CCDC180: variants seen among roughly 807,000 people sequenced by gnomAD.
CCDC180 encodes coiled-coil domain containing 180.
A neutral mutation model predicts 209.2 loss-of-function variants in CCDC180; 154 were observed. That is an observed-to-expected ratio of 0.74 (90% CI 0.65 to 0.84). The LOEUF (loss-of-function observed/expected upper bound fraction) is 0.84. Ranked by LOEUF, CCDC180 falls within the 40% of genes least tolerant of loss-of-function variation. The pLI is 0.00. For missense variants in CCDC180, 1,874 were observed against 1,997.3 expected (o/e 0.94, Z 1.18); for synonymous variants, 778 against 749.1 (o/e 1.04, Z -0.63).
intron 18 of CCDC180, among the ~76,000 whole-genome samples, chr9:97,333,954 G>A (rs1825827601): frequency 6.6e-6 from 1 of 151,538 alleles, no homozygotes; most frequent in Non-Finnish European, 1.5e-5. Flanking sequence ...CCAAGTAGCT[G>A]GAACTACAGG....
At chr9:97,371,741 G>T (rs761367288) in intron 34 of CCDC180, 35 bp downstream of exon 34, 1 of 1,446,430 alleles carries the variant, frequency 6.9e-7, no homozygotes, top group South Asian at 1.2e-5. Flanking sequence ...TCATGGCCCT[G>T]GGGGGCTGGT....
At chr9:97,371,188 TCTC>T (rs1212197012) in intron 33 of CCDC180, 1 of 164,900 alleles carries the variant, frequency 6.1e-6, no homozygotes, top group Non-Finnish European at 1.3e-5. Flanking sequence ...ATGGTCTCGA[TCTC>T]CTGACCTCAT....
chr9:97,369,909 G>A lies in CCDC180; in HGVS notation c.4190-13G>A, dbSNP rs1337053614. On this transcript the variant is annotated splice_polypyrimidine_tract_variant and intron_variant, in intron 31 of 36. Transcript: ENST00000529487. ...TGTTCCCTCCCTTGGCCTCTTACCC[G>A]CACTTCTGGCAGAATTACGGATCCA... The A allele has an allele frequency of 2.2e-5, 35 of 1,613,764 alleles. No homozygotes were observed. Among genetic ancestry groups the A allele is most frequent in the Non-Finnish European group, 2.9e-5 (34 of 1,179,940 alleles).
chr9:97,350,319 C>T (rs777642083), intron 21 of CCDC180, 90 bp from the exon 22 acceptor site: 3 of 1,316,300 alleles, frequency 2.3e-6, no homozygotes, highest in Non-Finnish European at 3.1e-6. Context: ...CTCCCTTGTC[C>T]CTCAGGCTGA....
At chr9:97,376,501 A>T (rs1827263372) in intron 36 of CCDC180, 3 of 365,616 alleles carry the variant, frequency 8.2e-6, no homozygotes. Flanking sequence ...CTAGAGTCAG[A>T]TAGACACAGG....
chr9:97,366,455 C>A lies in CCDC180; in HGVS notation c.4048-104C>A. 1.7e-6 allele frequency: 2 copies of A among 1,209,540 alleles called. No individual in the cohort carries two copies. The highest frequency in any genetic ancestry group is 1.5e-5 in the South Asian group (1 of 66,308). 74.9% of individuals were successfully genotyped at this position (1,209,540 alleles called of 1,614,324 possible). ...TCACTTCCACAGGGGATGCCACGAG[C>A]AAAGGCTAGGGAGTGTGGAGGTGAG... On this transcript the variant is annotated intron_variant, in intron 30 of 36. Transcript: ENST00000529487. This position sits in a 1 kb window ranked among gnomAD's most constrained non-coding sequence, Gnocchi z 4.3.
intron 19 of CCDC180, chr9:97,345,944 C>G (rs1587816613): frequency 6.6e-6 from 1 of 152,608 alleles, no homozygotes; most frequent in Non-Finnish European, 1.5e-5. Flanking sequence ...GTGCCTTACC[C>G]CCAAGGACAT....
chr9:97,326,789 A>G, intron 15 of CCDC180, 120 bp downstream of exon 15: 1 of 649,216 alleles, frequency 1.5e-6, no homozygotes, highest in South Asian at 1.8e-5. Context: ...TGTGCCTCTC[A>G]CTTTAGAAAG....
chr9:97,330,011 C>T (rs993784587), intron 16 of CCDC180, 143 bp from the exon 17 acceptor site: 15 of 669,498 alleles, frequency 2.2e-5, no homozygotes, highest in Non-Finnish European at 3.0e-5. Flanking sequence ...GAGCTTGCAG[C>T]GAACCAAGAC....
chr9:97,362,505 T>C (rs3802471), intron 28 of CCDC180, 64 bp downstream of exon 28: 751,683 of 1,570,032 alleles, frequency 0.48, 183,898 homozygotes, highest in Admixed American at 0.68. Flanking sequence ...AGGCAGGAGA[T>C]GACCTATGGC....
In CCDC180 at chr9:97,318,599, C is replaced by A. The variant is rs536382406; in HGVS notation, c.1079+17C>A. The A allele has an allele frequency of 6.2e-7, 1 of 1,609,226 alleles. No individual in the cohort carries two copies. The highest frequency in any genetic ancestry group is 8.5e-7 in the Non-Finnish European group (1 of 1,178,650). On this transcript the variant is annotated intron_variant, in intron 10 of 36. Transcript: ENST00000529487. ...CACCATCTGGTATGGGCAGGAGGGG[C>A]GGCCCAGGAGGGGTGCTTCTTGGGG...
At position 97,350,390 on chromosome 9, in the gene CCDC180, C is replaced by T. The variant is rs373385815; in HGVS notation, c.2856-19C>T. ...GGTTGTCCCCCATCACTGTCCTGTTCCTCCTCTGTCTCCCACAGGCTGGTC... is the reference window on the plus strand; with the variant it reads ...GGTTGTCCCCCATCACTGTCCTGTTTCTCCTCTGTCTCCCACAGGCTGGTC... On this transcript the variant is annotated intron_variant, in intron 21 of 36. Coordinates refer to ENST00000529487, the MANE Select transcript of CCDC180 (RefSeq NM_020893.6). The T allele has an allele frequency of 2.0e-5, 31 of 1,534,518 alleles. No homozygotes were observed. In the East Asian group the frequency reaches 4.9e-4, roughly 24 times the overall value.
intron 12 of CCDC180, 31 bp downstream of exon 12, chr9:97,322,952 G>T: frequency 6.3e-7 from 1 of 1,591,660 alleles, no homozygotes. Context: ...CCTGAGAAGA[G>T]GAATCCTGGG....
chr9:97,357,341 G>T (rs112941626), intron 24 of CCDC180, among the ~76,000 whole-genome samples: 1 of 151,472 alleles, frequency 6.6e-6, no homozygotes, highest in African/African-American at 2.4e-5. Context: ...TATGGCTCTC[G>T]AAGCTTTCCA....
chr9:97,312,553 C>T (rs1227272418), intron 4 of CCDC180, among the ~76,000 whole-genome samples: 1 of 152,150 alleles, frequency 6.6e-6, no homozygotes, highest in African/African-American at 2.4e-5. Flanking sequence ...AATATAGAAA[C>T]CTTTTTTCTT....
At chr9:97,367,574 A>G (rs1214538023) in intron 31 of CCDC180, among the ~76,000 whole-genome samples, 2 of 151,926 alleles carry the variant, frequency 1.3e-5, no homozygotes, top group Non-Finnish European at 2.9e-5. Context: ...CCTGGGTTCA[A>G]GAGACTCTTC....
rs1470018487 is a variant in CCDC180 at position 97,343,405 on chromosome 9, C to T, written c.2340C>T (p.Ser780=). Residue 780 remains serine, a synonymous_variant, in exon 19 of 37, where the codon TCC becomes TCT. Coordinates refer to ENST00000529487, the MANE Select transcript of CCDC180 (RefSeq NM_020893.6). ...AGGACATGGAGTCCTTCACAATCTC[C>T]AGTGGAAACACTTATTTTGTCTTTG... ...YYEDMESFTI[S]SGNTYFVFVP... The T allele has an allele frequency of 1.2e-6, 2 of 1,613,880 alleles. No individual in the cohort carries two copies. The highest frequency in any genetic ancestry group is 1.7e-6 in the Non-Finnish European group (2 of 1,179,836).
chr9:97,326,724 A>G, intron 15 of CCDC180, 55 bp downstream of exon 15: 1 of 1,159,742 alleles, frequency 8.6e-7, no homozygotes, highest in East Asian at 2.3e-5. Flanking sequence ...TTCATCTTCA[A>G]GGTCAAGGGC....
intron 18 of CCDC180, among the ~76,000 whole-genome samples, chr9:97,341,177 G>A (rs185943480): frequency 5.6e-4 from 86 of 152,224 alleles, no homozygotes; most frequent in Admixed American, 5.5e-3. Context: ...TCTTTACCCT[G>A]CCCCTTTTGC....
Sources: allele counts gnomAD v4.1 joint callset (sites outside exome capture counted in the v4.1 genomes callset), GRCh38; gene constraint gnomAD v4.1.1; non-coding constraint Gnocchi (gnomAD v3.1); transcripts MANE v1.5; gene names NCBI Gene and HGNC (gene_info 2026-07-23, HGNC 2026-07-21).